Variants in HERC2 observed in about 807,000 individuals in gnomAD.
HERC2 encodes the protein HECT and RLD domain containing E3 ubiquitin protein ligase 2.
HERC2 carries 102 observed loss-of-function variants against 537.7 expected under a neutral mutation model. The observed-to-expected ratio is 0.19, with a 90% CI of 0.16 to 0.22. HERC2 has a LOEUF of 0.22. HERC2 is among the 10% of genes least tolerant of loss of function. The probability of loss-of-function intolerance (pLI) is 1.00; values close to 1 mark genes in which losing one functional copy is unlikely to be tolerated. For synonymous variants in HERC2, 2,224 were observed against 2,466.2 expected (o/e 0.90, Z 2.91); for missense variants, 4,236 against 6,198.2 (o/e 0.68, Z 10.63).
chr15:28,254,695 TCAAA>T (rs1204744859), intron 19 of HERC2, among the ~76,000 whole-genome samples, 177 bp from the exon 20 acceptor site: 1 of 152,192 alleles, frequency 6.6e-6, no homozygotes, highest in Non-Finnish European at 1.5e-5. Flanking sequence ...TTGTGCAGTT[TCAAA>T]CAGTGTCTTC....
rs374505560 is a variant in HERC2, at chr15:28,163,130, G to A, written c.10710C>T (p.Ser3570=). The A allele has an allele frequency of 1.1e-4, 174 of 1,612,004 alleles. 1 individual carries two copies. The African/African-American group carries it at 1.2e-3, about 11-fold the overall frequency. The change falls in exon 69 of 93, where the codon TCC becomes TCT. Residue 3570 remains serine (S), a synonymous_variant. Coordinates refer to ENST00000261609, the MANE Select transcript of HERC2 (RefSeq NM_004667.6). ...CGGTCCCCATGCCGGAAAGCACCGC[G>A]GAGAGCACATCCCTGCCCCTGTCCC... The part of the protein sequence containing the change: ...RAGDRGRDVL[S]AVLSGMGTAY...
At chr15:28,278,660 A>G (rs1163145486) in intron 5 of HERC2, among the ~76,000 whole-genome samples, 1 of 152,206 alleles carries the variant, frequency 6.6e-6, no homozygotes, top group Non-Finnish European at 1.5e-5. Flanking sequence ...ATAAGAAAAC[A>G]AGGAAACAAG....
rs1224268720 is a variant in HERC2 at position 28,265,845 on chromosome 15, G to A, written c.1728C>T (p.Gly576=). 5.0e-6 allele frequency: 8 copies of A among 1,614,134 alleles called. No homozygotes were observed. Among genetic ancestry groups the A allele is most frequent in the Non-Finnish European group, 5.9e-6 (7 of 1,180,022 alleles). Residue 576 remains glycine (G), a synonymous_variant, in exon 13 of 93, where the codon GGC becomes GGT. Transcript: ENST00000261609. This position sits in a 1 kb window ranked among gnomAD's most constrained non-coding sequence, Gnocchi z 4.0. ...ITAEGELYTW[G]RGNYGRLGHG... is the part of the protein sequence containing the mutation. The stretch of plus-strand genomic sequence containing the variant: ...GGCCCAGCCGGCCGTAGTTCCCGCG[G>A]CCCCAGGTGTACAGCTCCCCCTCGG...
chr15:28,299,977 C>CA (rs1466333805), intron 2 of HERC2, among the ~76,000 whole-genome samples: 2 of 150,154 alleles, frequency 1.3e-5, no homozygotes, highest in Non-Finnish European at 3.0e-5. Context: ...TGCTTGAACC[C>CA]AGGAGGCAGA....
intron 17 of HERC2, 92 bp downstream of exon 17, chr15:28,256,969 G>T: frequency 9.4e-7 from 1 of 1,064,886 alleles, no homozygotes; most frequent in Non-Finnish European, 1.4e-6. Flanking sequence ...CACCGAACAG[G>T]CTAAAACCCA....
intron 3 of HERC2, among the ~76,000 whole-genome samples, chr15:28,294,002 T>C (rs929090778): frequency 6.6e-6 from 1 of 152,160 alleles, no homozygotes; most frequent in African/African-American, 2.4e-5. Context: ...GAAAAATGTA[T>C]CTCAATCGGT....
At chr15:28,117,212 C>G in intron 86 of HERC2, 58 bp from the exon 87 acceptor site, 1 of 1,537,712 alleles carries the variant, frequency 6.5e-7, no homozygotes, top group Non-Finnish European at 9.0e-7. Flanking sequence ...AGCACACAGT[C>G]GGGGATATGC....
intron 12 of HERC2, among the ~76,000 whole-genome samples, chr15:28,266,949 T>C: frequency 6.6e-6 from 1 of 152,184 alleles, no homozygotes; most frequent in Non-Finnish European, 1.5e-5. Context: ...ATGTATTTGT[T>C]AAATGAATGT....
At chr15:28,218,888 G>A (rs1458846700) in intron 37 of HERC2, among the ~76,000 whole-genome samples, 1 of 151,818 alleles carries the variant, frequency 6.6e-6, no homozygotes. Context: ...AGAGTGCAAC[G>A]GCATGATCAT....
chr15:28,160,357 T>C (rs1248436476), intron 69 of HERC2, among the ~76,000 whole-genome samples: 1 of 152,230 alleles, frequency 6.6e-6, no homozygotes, highest in Non-Finnish European at 1.5e-5. Context: ...CAGGCAGGCC[T>C]CCTTGAGCTG....
rs2075617304 is a variant in HERC2, at chr15:28,268,046, GATA to G, written c.1598+416_1598+418del. On this transcript the variant is annotated intron_variant, in intron 12 of 92. Coordinates refer to ENST00000261609, the MANE Select transcript of HERC2 (RefSeq NM_004667.6). This position sits in a 1 kb window ranked among gnomAD's most constrained non-coding sequence, Gnocchi z 4.7. ...CACAATAAAAGGTTCCACTGAGTAG[GATA>G]ATATTAGGAAGAAACTGCTGACTTT... Among the ~76,000 whole-genome samples, 2 of 152,306 alleles carry G rather than the reference GATA, an allele frequency of 1.3e-5. No homozygotes were observed.
Position 28,280,383 on chromosome 15 carries a change from C to T in HERC2, c.323-96G>A, listed in dbSNP as rs1026470952. 5 of 984,034 alleles carry T rather than the reference C, an allele frequency of 5.1e-6. No homozygotes were observed. The East Asian group carries it at 1.0e-4, about 20-fold the overall frequency. 61.0% of individuals were successfully genotyped at this position (984,034 alleles called of 1,614,324 possible). On this transcript the variant is annotated intron_variant, in intron 4 of 92. Coordinates refer to ENST00000261609, the MANE Select transcript of HERC2 (RefSeq NM_004667.6). Reference sequence around the variant, plus strand: ...ATGGATGATGACGACAGGTAGTACTCGAAGGCATGATATGTGGCAATAATG... The same window carrying T: ...ATGGATGATGACGACAGGTAGTACTTGAAGGCATGATATGTGGCAATAATG...
chr15:28,144,375 G>A (rs1211687092), intron 72 of HERC2, 140 bp from the exon 73 acceptor site: 3 of 845,762 alleles, frequency 3.5e-6, no homozygotes, highest in South Asian at 1.7e-5. Context: ...ATGCCACTGC[G>A]AGTCGGTGAG....
intron 65 of HERC2, among the ~76,000 whole-genome samples, chr15:28,170,345 G>T (rs1195926563): frequency 6.6e-6 from 1 of 152,128 alleles, no homozygotes; most frequent in Non-Finnish European, 1.5e-5. Flanking sequence ...AATAAACAGA[G>T]AACCCAGAAA....
intron 70 of HERC2, 24 bp from the exon 71 acceptor site, chr15:28,146,368 CAT>C: frequency 6.6e-7 from 1 of 1,516,494 alleles, no homozygotes; most frequent in Non-Finnish European, 9.2e-7. Context: ...AAGCACAAAA[CAT>C]AGCAACCACT....
Position 28,201,733 on chromosome 15 carries a change from C to A in HERC2, c.7618-179G>T, listed in dbSNP as rs529910500. Reference sequence around the variant, plus strand: ...CAGTAGCATAGTAGGCAGAATGAATCTCAAAAGCTACAAGTATACAAAATT... The same window carrying A: ...CAGTAGCATAGTAGGCAGAATGAATATCAAAAGCTACAAGTATACAAAATT... On this transcript the variant is annotated intron_variant, in intron 47 of 92. Coordinates refer to ENST00000261609, the MANE Select transcript of HERC2 (RefSeq NM_004667.6). Among the ~76,000 whole-genome samples the A allele has an allele frequency of 2.6e-5, 4 of 152,272 alleles. No homozygotes were observed. In the East Asian group the frequency reaches 7.7e-4, roughly 29 times the overall value.
At chr15:28,144,260 C>T (rs751912780) in intron 72 of HERC2, 25 bp from the exon 73 acceptor site, 44 of 1,608,668 alleles carry the variant, frequency 2.7e-5, no homozygotes, top group Non-Finnish European at 2.4e-5. Flanking sequence ...TGTAAACATC[C>T]CCGGGTTTCA....
chr15:28,275,147 G>A (rs868433679), intron 5 of HERC2, 142 bp from the exon 6 acceptor site: 41 of 484,034 alleles, frequency 8.5e-5, no homozygotes, highest in Middle Eastern at 7.5e-4. Context: ...TGGATTTTTC[G>A]TTTTGTTGTT....
intron 69 of HERC2, among the ~76,000 whole-genome samples, chr15:28,153,856 A>T (rs925977845): frequency 6.6e-6 from 1 of 152,056 alleles, no homozygotes; most frequent in African/African-American, 2.4e-5. Context: ...CCACAATCCT[A>T]GAAGGCAACG....
Sources: gnomAD v4.1 joint callset for allele counts (sites outside exome capture counted in the v4.1 genomes callset) on GRCh38, gnomAD v4.1.1 for gene constraint, Gnocchi (gnomAD v3.1) non-coding constraint, MANE v1.5 for transcripts, NCBI Gene and HGNC (gene_info 2026-07-23, HGNC 2026-07-21) for gene names.